Variants in SEPTIN14 observed in about 807,000 individuals in gnomAD.
The protein encoded by SEPTIN14 is septin-14.
SEPTIN14 carries 40 observed loss-of-function variants against 53.6 expected under a neutral mutation model. That is an observed-to-expected ratio of 0.75 (90% CI 0.58 to 0.97). SEPTIN14 has a LOEUF of 0.97. Ranked by LOEUF, SEPTIN14 falls within the 50% of genes least tolerant of loss-of-function variation. The pLI is 0.00. For missense variants in SEPTIN14, 471 were observed against 508.2 expected (o/e 0.93, Z 0.70); for synonymous variants, 138 against 166.8 (o/e 0.83, Z 1.33).
intron 5 of SEPTIN14, among the ~76,000 whole-genome samples, chr7:55,838,469 CT>C (rs1234320964): frequency 6.6e-6 from 1 of 151,892 alleles, no homozygotes; most frequent in Non-Finnish European, 1.5e-5. Flanking sequence ...TTCTTTCCTT[CT>C]TTTTTACTTC....
intron 2 of SEPTIN14, among the ~76,000 whole-genome samples, chr7:55,857,452 GGGAAGGGGAGGGGAGGGGAGA>G (rs1389619331): frequency 8.0e-6 from 1 of 124,522 alleles, no homozygotes; most frequent in Non-Finnish European, 1.7e-5. Flanking sequence ...AGGAAAGGAA[GGGAAGGGGAGGGGAGGGGAGA>G]GGAAGGGAGG....
chr7:55,856,934 G>A (rs1462766986), intron 2 of SEPTIN14, among the ~76,000 whole-genome samples: 3 of 151,792 alleles, frequency 2.0e-5, no homozygotes, highest in Non-Finnish European at 4.4e-5. Flanking sequence ...TTAGCTGGGC[G>A]TGGTGCATGC....
At chr7:55,833,328 C>T (rs1296078778) in intron 6 of SEPTIN14, among the ~76,000 whole-genome samples, 2 of 148,516 alleles carry the variant, frequency 1.3e-5, no homozygotes, top group African/African-American at 5.0e-5. Flanking sequence ...AAAAAAAGAT[C>T]TCAAATAAAC....
intron 7 of SEPTIN14, among the ~76,000 whole-genome samples, chr7:55,808,333 C>G (rs1440036697): frequency 6.6e-6 from 1 of 152,168 alleles, no homozygotes; most frequent in Non-Finnish European, 1.5e-5. Context: ...AGATCAATTT[C>G]ATTCCACTAG....
intron 6 of SEPTIN14, among the ~76,000 whole-genome samples, chr7:55,823,676 G>A (rs1788935580): frequency 2.0e-5 from 3 of 152,146 alleles, no homozygotes; most frequent in Non-Finnish European, 4.4e-5. Context: ...CAAAATGATT[G>A]AGAGGAATCC....
intron 5 of SEPTIN14, among the ~76,000 whole-genome samples, chr7:55,841,399 C>T (rs1196778309): frequency 1.3e-5 from 2 of 151,982 alleles, no homozygotes; most frequent in African/African-American, 4.8e-5. Flanking sequence ...AAGGGCCCAG[C>T]GTCTATTATT....
chr7:55,832,328 C>T (rs1328813945), intron 6 of SEPTIN14, among the ~76,000 whole-genome samples: 1 of 151,908 alleles, frequency 6.6e-6, no homozygotes, highest in African/African-American at 2.4e-5. Flanking sequence ...ACCATAACAA[C>T]CTCTATGAAA....
intron 2 of SEPTIN14, among the ~76,000 whole-genome samples, chr7:55,849,235 G>A (rs756139911): frequency 2.0e-5 from 3 of 151,198 alleles, no homozygotes; most frequent in Non-Finnish European, 4.4e-5. Flanking sequence ...TGAGGCAGGC[G>A]AATCCCTTGA....
intron 6 of SEPTIN14, among the ~76,000 whole-genome samples, chr7:55,820,385 G>A (rs1219322494): frequency 6.6e-6 from 1 of 152,124 alleles, no homozygotes; most frequent in East Asian, 1.9e-4. Context: ...TAAAGGAGGT[G>A]TAAATTATAA....
At position 55,793,787 on chromosome 7, in the gene SEPTIN14, G is replaced by A. The variant is rs181005029; in HGVS notation, c.*2126C>T. On this transcript the variant is annotated 3_prime_UTR_variant, in exon 10 of 10. Coordinates refer to ENST00000388975, the MANE Select transcript of SEPTIN14 (RefSeq NM_207366.3). ...TGTAATTTTCATAGTAACCAAAAAC[G>A]AAATCTACATAGAATATACACAAAA... 112 of 151,972 alleles carry A rather than the reference G, an allele frequency of 7.4e-4. No individual in the cohort carries two copies. The highest frequency in any genetic ancestry group is 2.5e-3 in the African/African-American group (104 of 41,476). The allele number at this position is 151,972 out of a possible 1,614,324, so 9.4% of individuals were successfully genotyped here.
chr7:55,815,898 C>T (rs1045656073), intron 7 of SEPTIN14, among the ~76,000 whole-genome samples: 1 of 152,114 alleles, frequency 6.6e-6, no homozygotes, highest in African/African-American at 2.4e-5. Flanking sequence ...AGCTCCACTC[C>T]CATGTTTGTT....
chr7:55,821,124 C>A lies in SEPTIN14; in HGVS notation c.721-1901G>T, dbSNP rs377208725. 1.3e-3 allele frequency among the ~76,000 whole-genome samples: 198 copies of A among 152,252 alleles called. 4 individuals carry two copies. In the South Asian group the frequency reaches 0.04, roughly 31 times the overall value. On this transcript the variant is annotated intron_variant, in intron 6 of 9. Coordinates refer to ENST00000388975, the MANE Select transcript of SEPTIN14 (RefSeq NM_207366.3). ...CATCTACCTGTTTTTGAGGCTAAGTCCTTGGCAAGTCTATTTGAGAGTTGG... is the reference window on the plus strand; with the variant it reads ...CATCTACCTGTTTTTGAGGCTAAGTACTTGGCAAGTCTATTTGAGAGTTGG...
intron 6 of SEPTIN14, among the ~76,000 whole-genome samples, chr7:55,831,153 C>T (rs1213024330): frequency 6.6e-6 from 1 of 151,932 alleles, no homozygotes; most frequent in Admixed American, 6.6e-5. Flanking sequence ...ATGTGTCTGA[C>T]TTCAAATTAT....
rs142851286 is a variant in SEPTIN14 at position 55,845,332 on chromosome 7, A to G, written c.176-614T>C. On this transcript the variant is annotated intron_variant, in intron 3 of 9. Transcript: ENST00000388975. The stretch of plus-strand genomic sequence containing the variant: ...AATGTTCATCAATGGTAGACTGGAT[A>G]AAGAAAATATGGTACATATACACCA... Among the ~76,000 whole-genome samples, 423 of 152,100 alleles carry G rather than the reference A, an allele frequency of 2.8e-3. 4 individuals are homozygous for G. The highest frequency in any genetic ancestry group is 9.4e-3 in the African/African-American group (392 of 41,488).
At chr7:55,820,795 C>T (rs1397851206) in intron 6 of SEPTIN14, among the ~76,000 whole-genome samples, 3 of 151,982 alleles carry the variant, frequency 2.0e-5, no homozygotes, top group Non-Finnish European at 2.9e-5. Context: ...CAGAAATTAG[C>T]GGGGCATGGT....
intron 9 of SEPTIN14, chr7:55,797,886 A>C (rs1788456933): frequency 6.5e-6 from 1 of 153,212 alleles, no homozygotes; most frequent in African/African-American, 2.4e-5. Flanking sequence ...GACAAGAGCC[A>C]AACTGCATCT....
chr7:55,840,845 G>C (rs576387208), intron 5 of SEPTIN14, among the ~76,000 whole-genome samples: 12 of 152,166 alleles, frequency 7.9e-5, no homozygotes, highest in Admixed American at 2.0e-4. Context: ...ATATGATGTT[G>C]TTCCCATAAT....
At position 55,795,973 on chromosome 7, in the gene SEPTIN14, G is replaced by C; in HGVS notation, c.1239C>G (p.Ser413=). The C allele has an allele frequency of 6.3e-7, 1 of 1,592,120 alleles. No homozygotes were observed. The highest frequency in any genetic ancestry group is 8.5e-7 in the Non-Finnish European group (1 of 1,176,074). The stretch of plus-strand genomic sequence containing the variant: ...TGCTCAGCTGAGTCTGCAGTGCTTC[G>C]GAGGCAGCTTTCATTTTATAAAAAT... ...IIDFYKMKAA[S]EALQTQLSTD... Residue 413 remains serine (S), a synonymous_variant, in exon 10 of 10, where the codon TCC becomes TCG. Coordinates refer to ENST00000388975, the MANE Select transcript of SEPTIN14 (RefSeq NM_207366.3).
intron 2 of SEPTIN14, among the ~76,000 whole-genome samples, chr7:55,853,085 T>C (rs908919181): frequency 1.3e-5 from 2 of 152,200 alleles, no homozygotes; most frequent in Non-Finnish European, 2.9e-5. Flanking sequence ...TCTTACACTG[T>C]TGGTGCAAAT....
Sources: allele counts gnomAD v4.1 joint callset (sites outside exome capture counted in the v4.1 genomes callset), GRCh38; gene constraint gnomAD v4.1.1; transcripts MANE v1.5; gene names NCBI Gene and HGNC (gene_info 2026-07-23, HGNC 2026-07-21).